PDE11A: variants seen among roughly 807,000 people sequenced by gnomAD.
PDE11A encodes the protein phosphodiesterase 11A.
Under a neutral mutation model 100.5 loss-of-function variants are expected in PDE11A, and 100 were observed. The observed-to-expected ratio is 1.00, with a 90% CI of 0.85 to 1.18. The LOEUF is 1.18. Ranked by LOEUF, PDE11A falls within the 50% of genes most tolerant of loss-of-function variation. PDE11A has a pLI of 0.00. For synonymous variants in PDE11A, 381 were observed against 420.8 expected, an observed-to-expected ratio of 0.91 and a Z score of 1.16; for missense variants, 1,141 against 1,152.6, an observed-to-expected ratio of 0.99 and a Z score of 0.15.
chr2:178,058,857 G>T (rs2086931168), intron 1 of PDE11A, among the ~76,000 whole-genome samples: 1 of 152,012 alleles, frequency 6.6e-6, no homozygotes, highest in Admixed American at 6.5e-5. Flanking sequence ...GGAAGTTAGT[G>T]GAAAAAAGAA....
At chr2:177,831,803 G>T (rs916847357) in intron 6 of PDE11A, among the ~76,000 whole-genome samples, 7 of 152,192 alleles carry the variant, frequency 4.6e-5, no homozygotes, top group African/African-American at 1.7e-4. Flanking sequence ...CAGAAATTTT[G>T]AAGTTTATCT....
intron 5 of PDE11A, among the ~76,000 whole-genome samples, chr2:177,861,452 A>G (rs923790977): frequency 5.9e-5 from 9 of 151,862 alleles, no homozygotes; most frequent in African/African-American, 2.2e-4. Context: ...AAGACAACTT[A>G]TATACAGGAG....
chr2:178,077,463 G>A (rs945391240), upstream of PDE11A, among the ~76,000 whole-genome samples: 1 of 151,912 alleles, frequency 6.6e-6, no homozygotes, highest in African/African-American at 2.4e-5. Flanking sequence ...ATATTTTACT[G>A]CAGAAATTTC....
chr2:178,042,936 G>T (rs754989595), intron 1 of PDE11A, among the ~76,000 whole-genome samples: 5 of 152,160 alleles, frequency 3.3e-5, no homozygotes, highest in African/African-American at 7.2e-5. Context: ...GGTGGGAGGC[G>T]AGGGACAGCT....
chr2:178,027,218 T>C (rs183791085), intron 1 of PDE11A, among the ~76,000 whole-genome samples: 6 of 152,202 alleles, frequency 3.9e-5, no homozygotes, highest in Non-Finnish European at 5.9e-5. Flanking sequence ...AATTGAAAAA[T>C]ATCTACATAT....
chr2:177,880,809 T>G (rs1001762235), intron 4 of PDE11A, among the ~76,000 whole-genome samples: 1 of 152,198 alleles, frequency 6.6e-6, no homozygotes, highest in African/African-American at 2.4e-5. Context: ...TACTGATCTT[T>G]GGTTAAATAT....
chr2:177,916,436 C>T (rs1460320044), intron 2 of PDE11A, among the ~76,000 whole-genome samples: 1 of 152,212 alleles, frequency 6.6e-6, no homozygotes, highest in Non-Finnish European at 1.5e-5. Flanking sequence ...TCAGCCACAT[C>T]TGCTACCTTT....
intron 2 of PDE11A, among the ~76,000 whole-genome samples, chr2:178,006,936 C>T (rs1003098105): frequency 2.6e-5 from 4 of 152,112 alleles, no homozygotes; most frequent in Non-Finnish European, 5.9e-5. Context: ...TTTCTTTCTG[C>T]CTCTGTCTTG....
At position 177,624,684 on chromosome 2, in the gene PDE11A, TCTTAA is replaced by T. The variant is rs1371696016; in HGVS notation, c.*4718_*4722del. 3 of 152,278 alleles carry T rather than the reference TCTTAA, an allele frequency of 2.0e-5. No homozygotes were observed. The highest frequency in any genetic ancestry group is 2.9e-5 in the Non-Finnish European group (2 of 68,046). 9.4% of individuals were successfully genotyped at this position (152,278 alleles called of 1,614,324 possible). ...AAAATGCATGTGCAATTTTAACTTC[TCTTAA>T]CTTTATAAATTCACTTCTAAATTAA... On this transcript the variant is annotated 3_prime_UTR_variant, in exon 20 of 20. Coordinates refer to ENST00000286063, the MANE Select transcript of PDE11A (RefSeq NM_016953.4).
chr2:178,030,504 T>C (rs536446708), intron 1 of PDE11A, among the ~76,000 whole-genome samples: 75 of 152,022 alleles, frequency 4.9e-4, no homozygotes, highest in Non-Finnish European at 9.1e-4. Flanking sequence ...CTATTCCAAC[T>C]AATGGAAAAA....
intron 10 of PDE11A, among the ~76,000 whole-genome samples, chr2:177,754,510 G>A (rs984145767): frequency 1.3e-5 from 2 of 152,184 alleles, no homozygotes; most frequent in African/African-American, 4.8e-5. Flanking sequence ...GCCCAAGCTT[G>A]TTTATTTGGA....
At chr2:178,007,137 T>C (rs1486143112) in intron 2 of PDE11A, among the ~76,000 whole-genome samples, 1 of 152,206 alleles carries the variant, frequency 6.6e-6, no homozygotes, top group African/African-American at 2.4e-5. Flanking sequence ...GAAGTGAATG[T>C]TTTTTATTGA....
intron 5 of PDE11A, among the ~76,000 whole-genome samples, chr2:177,861,563 A>C (rs1352842813): frequency 6.6e-6 from 1 of 151,904 alleles, no homozygotes; most frequent in Non-Finnish European, 1.5e-5. Context: ...GGAGAGATTG[A>C]CAAGTTGATT....
At chr2:177,950,835 C>T (rs1419163668) in intron 2 of PDE11A, among the ~76,000 whole-genome samples, 7 of 152,182 alleles carry the variant, frequency 4.6e-5, no homozygotes, top group Non-Finnish European at 7.4e-5. Context: ...GGCATGAACC[C>T]GGGAGGCGGA....
chr2:177,906,370 C>T (rs1470424970), intron 2 of PDE11A, among the ~76,000 whole-genome samples: 1 of 152,134 alleles, frequency 6.6e-6, no homozygotes, highest in Non-Finnish European at 1.5e-5. Flanking sequence ...AAAGAATCAC[C>T]TGGAGTGCAA....
rs1304815064 is a variant in PDE11A, at chr2:177,788,874, A to C, written c.1738-19501T>G. Reference sequence around the variant, plus strand: ...AATCTCTGAATAGACCAATAACAGGATCTGAAATTGTGGCAATAATCAATA... The same window carrying C: ...AATCTCTGAATAGACCAATAACAGGCTCTGAAATTGTGGCAATAATCAATA... On this transcript the variant is annotated intron_variant, in intron 9 of 19. Transcript: ENST00000286063. 5.9e-5 allele frequency among the ~76,000 whole-genome samples: 9 copies of C among 152,078 alleles called. No individual in the cohort carries two copies. In the South Asian group the frequency reaches 1.0e-3, roughly 18 times the overall value.
rs202111041 is a variant in PDE11A, at chr2:177,727,736, C to T, written c.1965G>A (p.Arg655=). The T allele has an allele frequency of 1.9e-6, 3 of 1,610,544 alleles. No individual in the cohort carries two copies. Among genetic ancestry groups the T allele is most frequent in the African/African-American group, 2.7e-5 (2 of 74,910 alleles). The change falls in exon 12 of 20, where the codon AGG becomes AGA. Residue 655 remains arginine (R), a synonymous_variant. Coordinates refer to ENST00000286063, the MANE Select transcript of PDE11A (RefSeq NM_016953.4). ...GGTATAGAACCATCCGATAGTTTTTCCTCACTGTCAAAAGCCACCTACACA... is the reference window on the plus strand; with the variant it reads ...GGTATAGAACCATCCGATAGTTTTTTCTCACTGTCAAAAGCCACCTACACA... The part of the protein sequence containing the change: ...ETLCRWLLTV[R]KNYRMVLYHN...
intron 5 of PDE11A, among the ~76,000 whole-genome samples, chr2:177,858,380 T>A (rs1294274386): frequency 1.3e-5 from 2 of 150,104 alleles, no homozygotes; most frequent in African/African-American, 2.5e-5. Context: ...GAATCTACAA[T>A]TAACTCAAAC....
chr2:178,056,824 G>A (rs1229638535), intron 1 of PDE11A, among the ~76,000 whole-genome samples: 1 of 152,004 alleles, frequency 6.6e-6, no homozygotes, highest in African/African-American at 2.4e-5. Context: ...AGGTAAGTAA[G>A]GTCATAGAAG....
Sources: gnomAD v4.1 joint callset for allele counts (sites outside exome capture counted in the v4.1 genomes callset) on GRCh38, gnomAD v4.1.1 for gene constraint, MANE v1.5 for transcripts, NCBI Gene and HGNC (gene_info 2026-07-23, HGNC 2026-07-21) for gene names.